ITGA2: variants seen among roughly 807,000 people sequenced by gnomAD.
The protein encoded by ITGA2 is integrin subunit alpha 2.
Under a neutral mutation model 146.3 loss-of-function variants are expected in ITGA2, and 101 were observed. The observed-to-expected ratio is 0.69, with a 90% CI of 0.59 to 0.81. The LOEUF is 0.81. Ranked by LOEUF, ITGA2 falls within the 40% of genes least tolerant of loss-of-function variation. ITGA2 has a pLI of 0.00. For synonymous variants in ITGA2, 477 were observed against 487.1 expected, an observed-to-expected ratio of 0.98 and a Z score of 0.27; for missense variants, 1,281 against 1,402.7, an observed-to-expected ratio of 0.91 and a Z score of 1.39.
chr5:53,021,420 TAC>T (rs1028254744), intron 1 of ITGA2, among the ~76,000 whole-genome samples: 3 of 152,218 alleles, frequency 2.0e-5, no homozygotes, highest in Admixed American at 2.0e-4. Context: ...GCCACCTACT[TAC>T]ACACACAGAG....
intron 1 of ITGA2, 46 bp downstream of exon 1, chr5:52,989,578 C>T (rs757440863): frequency 5.6e-6 from 9 of 1,604,984 alleles, no homozygotes; most frequent in African/African-American, 4.0e-5. Context: ...GGGACCCGCG[C>T]GGCTTCCTGG....
In ITGA2 at chr5:53,073,246, C is replaced by T. The variant is rs866861537; in HGVS notation, c.2558C>T (p.Ser853Leu). 2 of 1,612,328 alleles carry T rather than the reference C, an allele frequency of 1.2e-6. No individual in the cohort carries two copies. Among genetic ancestry groups the T allele is most frequent in the East Asian group, 2.2e-5 (1 of 44,806 alleles). ...TTTTCAGAAAACTTGTTTTTTGCATCATTCTCCCTGCCGGTATGTGATGAG... is the reference window on the plus strand; with the variant it reads ...TTTTCAGAAAACTTGTTTTTTGCATTATTCTCCCTGCCGGTATGTGATGAG... ...VDFSENLFFASFSLPVDGTEV... is the reference protein window; with the variant it reads ...VDFSENLFFALFSLPVDGTEV... Residue 853 changes from serine (S) to leucine (L), a missense_variant, in exon 20 of 30, where the codon TCA becomes TTA. Ser to Leu is a moderately radical substitution (Grantham distance 145). Around this residue, in one of 3 missense-constraint regions of ITGA2, gnomAD observed 475 missense variants for 530.5 expected, o/e 0.90. Coordinates refer to ENST00000296585, the MANE Select transcript of ITGA2 (RefSeq NM_002203.4).
At chr5:53,063,203 C>T (rs1299499110) in intron 13 of ITGA2, among the ~76,000 whole-genome samples, 3 of 151,836 alleles carry the variant, frequency 2.0e-5, no homozygotes, top group East Asian at 3.9e-4. Flanking sequence ...TATAAGTGCA[C>T]ATCGTTTATT....
chr5:53,080,411 C>T (rs1745864625), intron 24 of ITGA2, 100 bp from the exon 25 acceptor site: 5 of 874,500 alleles, frequency 5.7e-6, no homozygotes, highest in Middle Eastern at 2.2e-4. Flanking sequence ...CTCAGTCTTA[C>T]CACCTCGTAG....
intron 19 of ITGA2, 55 bp downstream of exon 19, chr5:53,072,750 T>C (rs1354455032): frequency 3.7e-6 from 5 of 1,358,940 alleles, no homozygotes; most frequent in Non-Finnish European, 5.2e-6. Flanking sequence ...ACATACTAGA[T>C]TACTTTATTC....
chr5:53,042,322 C>T (rs1743841831), intron 3 of ITGA2, 101 bp downstream of exon 3: 1 of 824,818 alleles, frequency 1.2e-6, no homozygotes, highest in Non-Finnish European at 2.1e-6. Flanking sequence ...ATACAGACAG[C>T]TTTTTTTTGC....
chr5:53,081,204 A>G (rs539911668), intron 25 of ITGA2, among the ~76,000 whole-genome samples: 1 of 152,146 alleles, frequency 6.6e-6, no homozygotes, highest in African/African-American at 2.4e-5. Flanking sequence ...ACCTCTTGAC[A>G]TTGGCTCATC....
At chr5:53,018,552 A>T (rs76771057) in intron 1 of ITGA2, among the ~76,000 whole-genome samples, 13,389 of 151,562 alleles carry the variant, frequency 0.088, 772 homozygotes, top group East Asian at 0.21. Flanking sequence ...TTCCCTGCAA[A>T]GACCTGTTCA....
chr5:53,038,623 A>C (rs1245497872), intron 2 of ITGA2, among the ~76,000 whole-genome samples: 1 of 152,070 alleles, frequency 6.6e-6, no homozygotes, highest in African/African-American at 2.4e-5. Flanking sequence ...CATTTTCCCA[A>C]TCTGGGCCCT....
chr5:53,053,234 C>T (rs1161410044), intron 7 of ITGA2, among the ~76,000 whole-genome samples: 1 of 152,046 alleles, frequency 6.6e-6, no homozygotes, highest in Non-Finnish European at 1.5e-5. Flanking sequence ...TTGCTACTTC[C>T]GTCAACTGGT....
Position 53,056,151 on chromosome 5 carries a change from TAAAA to T in ITGA2, c.1096+7_1096+10del, listed in dbSNP as rs746484602. On this transcript the variant is annotated splice_donor_5th_base_variant and intron_variant, in intron 9 of 29. Coordinates refer to ENST00000296585, the MANE Select transcript of ITGA2 (RefSeq NM_002203.4). ...GAGAACAAATTTTCAGCATTGAAGG[TAAAA>T]AAAATAACCTCCTTTCAAGAATTTT... 39 of 1,608,182 alleles carry T rather than the reference TAAAA, an allele frequency of 2.4e-5. No homozygotes were observed. Among genetic ancestry groups the T allele is most frequent in the Non-Finnish European group, 3.3e-5 (39 of 1,176,570 alleles).
intron 28 of ITGA2, among the ~76,000 whole-genome samples, chr5:53,087,626 A>AAG (rs1464098637): frequency 6.9e-6 from 1 of 144,310 alleles, no homozygotes; most frequent in Non-Finnish European, 1.5e-5. Context: ...CCCCTTGATA[A>AAG]AAAAAAAAAA....
chr5:53,070,061 T>C, intron 16 of ITGA2, 48 bp from the exon 17 acceptor site: 2 of 1,500,176 alleles, frequency 1.3e-6, no homozygotes, highest in African/African-American at 1.4e-5. Context: ...TGCTTTTTCC[T>C]ATAAGTTGAT....
intron 1 of ITGA2, chr5:52,990,100 A>C (rs1740860005): frequency 6.4e-6 from 1 of 156,368 alleles, no homozygotes; most frequent in Admixed American, 6.1e-5. Context: ...TTGAGGACGA[A>C]GCGCTGTGTT....
Position 53,081,648 on chromosome 5 carries a change from T to A in ITGA2, c.3096T>A (p.Ser1032=). The change falls in exon 26 of 30, where the codon TCT becomes TCA. Residue 1032 remains serine (S), a synonymous_variant. Coordinates refer to ENST00000296585, the MANE Select transcript of ITGA2 (RefSeq NM_002203.4). ...ATCCACTGAAAATAGGACAAACATC[T>A]TCTTCTGTATCTTTCAAAAGTGAAA... ...DINPLKIGQT[S]SSVSFKSENF... is the part of the protein sequence containing the mutation. The A allele has an allele frequency of 6.2e-7, 1 of 1,612,806 alleles. No individual in the cohort carries two copies. The highest frequency in any genetic ancestry group is 2.2e-5 in the East Asian group (1 of 44,770).
intron 2 of ITGA2, among the ~76,000 whole-genome samples, chr5:53,030,841 ATAACT>A (rs963984902): frequency 6.6e-6 from 1 of 152,208 alleles, no homozygotes; most frequent in Non-Finnish European, 1.5e-5. Context: ...ACTAGCTATA[ATAACT>A]TAAGAGCTCA....
In ITGA2 at chr5:53,093,343, A is replaced by C. The variant is rs1006228976; in HGVS notation, c.*2744A>C. 1 of 152,122 alleles carries C rather than the reference A, an allele frequency of 6.6e-6. No individual in the cohort carries two copies. The highest frequency in any genetic ancestry group is 6.5e-5 in the Admixed American group (1 of 15,274). 9.4% of individuals were successfully genotyped at this position (152,122 alleles called of 1,614,324 possible). A position where few individuals can be genotyped will look rare whatever the true frequency, so the allele number is the denominator to read the frequency against. Reference sequence around the variant, plus strand: ...GGGAGTAGTTGAATTACTATAAACCATTAGCCACTTGTCTCTGCACCATTT... The same window carrying C: ...GGGAGTAGTTGAATTACTATAAACCCTTAGCCACTTGTCTCTGCACCATTT... On this transcript the variant is annotated 3_prime_UTR_variant, in exon 30 of 30. Transcript: ENST00000296585.
intron 1 of ITGA2, among the ~76,000 whole-genome samples, chr5:52,996,021 AG>A (rs1429748768): frequency 2.6e-5 from 4 of 152,182 alleles, no homozygotes; most frequent in Non-Finnish European, 5.9e-5. Flanking sequence ...ATAGTCTTGA[AG>A]GGCAGTCTAC....
chr5:53,061,410 C>A (rs1224395575), intron 12 of ITGA2, among the ~76,000 whole-genome samples: 1 of 151,856 alleles, frequency 6.6e-6, no homozygotes, highest in Admixed American at 6.6e-5. Context: ...TGATGGCAGG[C>A]ATGTAACCAC....
Sources: allele counts gnomAD v4.1 joint callset (sites outside exome capture counted in the v4.1 genomes callset), GRCh38; gene constraint gnomAD v4.1.1; regional missense constraint gnomAD v4.1.1; transcripts MANE v1.5; gene names NCBI Gene and HGNC (gene_info 2026-07-23, HGNC 2026-07-21).